ZNF577: variants seen among roughly 807,000 people sequenced by gnomAD.
The protein encoded by ZNF577 is zinc finger protein 577.
Under a neutral mutation model 13.9 loss-of-function variants are expected in ZNF577, and 14 were observed. That is an observed-to-expected ratio of 1.00 (90% CI 0.66 to 1.57). ZNF577 has a LOEUF of 1.57. Ranked by LOEUF, ZNF577 falls within the 40% of genes most tolerant of loss-of-function variation. The pLI is 0.00. For missense variants in ZNF577, 555 were observed against 579.2 expected (o/e 0.96, Z 0.43); for synonymous variants, 203 against 202.9 (o/e 1.00, Z 0.00).
At chr19:51,851,805 G>C (rs2084380024) in intron 5 of ZNF577, among the ~76,000 whole-genome samples, 1 of 152,136 alleles carries the variant, frequency 6.6e-6, no homozygotes, top group East Asian at 1.9e-4. Context: ...CACTGCCCCA[G>C]GAAACAACCC....
At chr19:51,850,209 G>T (rs1331979345) in intron 5 of ZNF577, among the ~76,000 whole-genome samples, 4 of 152,142 alleles carry the variant, frequency 2.6e-5, no homozygotes. Context: ...TGCTTGGGAA[G>T]AGTATCTTTG....
At chr19:51,852,135 G>A (rs964662256) in intron 5 of ZNF577, among the ~76,000 whole-genome samples, 2 of 152,200 alleles carry the variant, frequency 1.3e-5, no homozygotes, top group African/African-American at 4.8e-5. Context: ...GTAGAAACTG[G>A]AACGACCAGG....
intron 9 of ZNF577, among the ~76,000 whole-genome samples, chr19:51,815,358 G>A (rs539158593): frequency 2.0e-5 from 3 of 152,062 alleles, no homozygotes; most frequent in East Asian, 1.9e-4. Flanking sequence ...TCAGGAATTC[G>A]AGACCAGCCT....
chr19:51,865,377 G>A (rs746359237), downstream of ZNF577, among the ~76,000 whole-genome samples: 3 of 144,944 alleles, frequency 2.1e-5, no homozygotes, highest in Non-Finnish European at 4.4e-5. Flanking sequence ...GATTACACAC[G>A]TGAGCCACCA....
Position 51,872,953 on chromosome 19 carries a change from C to T in ZNF577, c.1037G>A (p.Arg346His), listed in dbSNP as rs920263515. Residue 346 changes from arginine (R) to histidine (H), a missense_variant, in exon 6 of 6, where the codon CGT (arginine) becomes CAT (histidine). Arg to His is a conservative substitution (Grantham distance 29). Transcript: ENST00000638348. ...RSKSKLIQHQ[R>H]THTGERPYSC... ...ATATGGTCTCTCTCCAGTGTGAGTACGCTGATGCTGAATGAGCTTCGACTT... is the reference window on the plus strand; with the variant it reads ...ATATGGTCTCTCTCCAGTGTGAGTATGCTGATGCTGAATGAGCTTCGACTT... 38 of 1,614,188 alleles carry T rather than the reference C, an allele frequency of 2.4e-5. No individual in the cohort carries two copies. The highest frequency in any genetic ancestry group is 3.1e-5 in the Non-Finnish European group (37 of 1,180,028).
chr19:51,861,199 A>C (rs532426904), intron 5 of ZNF577: 1 of 270,810 alleles, frequency 3.7e-6, no homozygotes, highest in Non-Finnish European at 6.7e-6. Context: ...GCTTACTGCA[A>C]CCTCCACCTC....
At chr19:51,862,613 T>TC (rs1423620175), downstream of ZNF577, 2 of 152,560 alleles carry the variant, frequency 1.3e-5, no homozygotes, top group Non-Finnish European at 2.9e-5. Flanking sequence ...AGGTTCGACT[T>TC]CCAAGGAAAA....
chr19:51,884,477 C>G (rs1346663212), intron 1 of ZNF577, among the ~76,000 whole-genome samples: 1 of 151,898 alleles, frequency 6.6e-6, no homozygotes, highest in Non-Finnish European at 1.5e-5. Context: ...ATATTATACT[C>G]AATTTCCATG....
chr19:51,854,543 A>C (rs1020894071), intron 5 of ZNF577, among the ~76,000 whole-genome samples: 1 of 133,302 alleles, frequency 7.5e-6, no homozygotes, highest in African/African-American at 3.0e-5. Context: ...TATGTTGCCC[A>C]TGCTTCTCCT....
At position 51,873,616 on chromosome 19, in the gene ZNF577, T is replaced by G. The variant is rs767091108; in HGVS notation, c.374A>C (p.Lys125Thr). The change falls in exon 6 of 6, where the codon AAA (lysine) becomes ACA (threonine). Residue 125 changes from lysine to threonine, a missense_variant. Coordinates refer to ENST00000638348, the MANE Select transcript of ZNF577 (RefSeq NM_001370449.1). ...ATGGTATTTAACTCCAGTAAGAGTT[T>G]TGTCACGCTTGATATGGAGGCATGA... ...GRSCLHIKRDKTLTGVKYHRC... is the reference protein window; with the variant it reads ...GRSCLHIKRDTTLTGVKYHRC... 2 of 1,614,222 alleles carry G rather than the reference T, an allele frequency of 1.2e-6. No individual in the cohort carries two copies. Among genetic ancestry groups the G allele is most frequent in the Non-Finnish European group, 1.7e-6 (2 of 1,180,050 alleles).
chr19:51,875,258 G>A (rs1229975663), intron 5 of ZNF577, among the ~76,000 whole-genome samples: 2 of 151,570 alleles, frequency 1.3e-5, no homozygotes, highest in African/African-American at 4.9e-5. Flanking sequence ...ACCTACTCGG[G>A]AGGCTGAGGC....
At chr19:51,808,833 T>A (rs572336613) in intron 10 of ZNF577, among the ~76,000 whole-genome samples, 111 of 152,300 alleles carry the variant, frequency 7.3e-4, no homozygotes, top group African/African-American at 2.6e-3. Flanking sequence ...CACTGGAGAA[T>A]TCCAAGCTTA....
At position 51,869,472 on chromosome 19, in the gene ZNF577, G is replaced by A. The variant is rs1030257962; in HGVS notation, c.*3060C>T. 6.6e-6 allele frequency among the ~76,000 whole-genome samples: 1 copy of A among 151,970 alleles called. No individual in the cohort carries two copies. The highest frequency in any genetic ancestry group is 1.5e-5 in the Non-Finnish European group (1 of 67,992). ...ACCCTCTCCCCACCATTACCCTATA[G>A]TCCTGCCACATCCCCCTCTCCGAGA... On this transcript the variant is annotated 3_prime_UTR_variant, in exon 6 of 6. Coordinates refer to ENST00000638348, the MANE Select transcript of ZNF577 (RefSeq NM_001370449.1).
chr19:51,861,356 C>G (rs2084500208), intron 5 of ZNF577: 1 of 159,968 alleles, frequency 6.3e-6, no homozygotes, highest in South Asian at 1.7e-4. Flanking sequence ...GTCTCGAACT[C>G]CCAACCTCAA....
intron 8 of ZNF577, among the ~76,000 whole-genome samples, chr19:51,841,435 A>G (rs549259680): frequency 1.3e-5 from 2 of 152,294 alleles, no homozygotes; most frequent in South Asian, 2.1e-4. Context: ...ACCAGCCTTC[A>G]TGGCCAGAAA....
chr19:51,881,868 T>C (rs1344310772), intron 1 of ZNF577, among the ~76,000 whole-genome samples: 4 of 152,088 alleles, frequency 2.6e-5, no homozygotes, highest in African/African-American at 4.8e-5. Context: ...CTCTAGAAAC[T>C]CACACTCTGA....
intron 5 of ZNF577, among the ~76,000 whole-genome samples, chr19:51,853,544 A>G (rs563934833): frequency 2.6e-5 from 4 of 152,274 alleles, no homozygotes; most frequent in Admixed American, 6.5e-5. Flanking sequence ...ATTTTGGTCA[A>G]TTGGACCAAT....
intron 9 of ZNF577, among the ~76,000 whole-genome samples, chr19:51,831,614 G>GT (rs149685495): frequency 0.07 from 10,517 of 150,010 alleles, 1,065 homozygotes; most frequent in African/African-American, 0.23. Context: ...AGCAGCCAAA[G>GT]TTTTTTTTTT....
At position 51,824,363 on chromosome 19, in the gene ZNF577, C is replaced by G. The variant is rs1427762518; in HGVS notation, c.*600-12689G>C. Reference sequence around the variant, plus strand: ...TGGCCAAGGTCTTTCTGATCCTCCACTTCATTATTGGCTTCAGCGTGCCTA... The same window carrying G: ...TGGCCAAGGTCTTTCTGATCCTCCAGTTCATTATTGGCTTCAGCGTGCCTA... On this transcript the variant is annotated intron_variant and NMD_transcript_variant, in intron 9 of 10. Coordinates refer to the ZNF577 transcript ENST00000638827. The surrounding 1 kb of genome is among the most constrained non-coding windows in gnomAD (Gnocchi z 4.7). 9 of 1,614,174 alleles carry G rather than the reference C, an allele frequency of 5.6e-6. No individual in the cohort carries two copies. The highest frequency in any genetic ancestry group is 7.6e-6 in the Non-Finnish European group (9 of 1,180,010).
Sources: allele counts gnomAD v4.1 joint callset (sites outside exome capture counted in the v4.1 genomes callset), GRCh38; gene constraint gnomAD v4.1.1; non-coding constraint Gnocchi (gnomAD v3.1); transcripts MANE v1.5; gene names NCBI Gene and HGNC (gene_info 2026-07-23, HGNC 2026-07-21).